The following TMEM108 variants were observed in gnomAD, a reference collection of about 807,000 sequenced individuals.
TMEM108 encodes transmembrane protein 108.
In TMEM108, 12 loss-of-function variants were observed where a neutral mutation model predicts 35.1. The ratio of observed to expected loss-of-function variants is 0.34; its 90% CI spans 0.22 to 0.55. The LOEUF is 0.55. TMEM108 is among the 20% of genes least tolerant of loss of function. TMEM108 has a pLI of 0.89. For synonymous variants in TMEM108, 287 were observed against 308.6 expected (o/e 0.93, Z 0.73); for missense variants, 680 against 753.3 (o/e 0.90, Z 1.14).
intron 3 of TMEM108, among the ~76,000 whole-genome samples, chr3:133,306,521 C>A (rs2071040191): frequency 6.6e-6 from 1 of 152,136 alleles, no homozygotes; most frequent in South Asian, 2.1e-4. Context: ...CCCCCAGCCC[C>A]CCACTCAATG....
intron 3 of TMEM108, among the ~76,000 whole-genome samples, chr3:133,339,080 A>T (rs1171519828): frequency 1.3e-5 from 2 of 151,958 alleles, no homozygotes; most frequent in Non-Finnish European, 2.9e-5. Context: ...GGGGGCAAAT[A>T]ACAAAATGAC....
At chr3:133,150,755 A>G (rs1944787949) in intron 2 of TMEM108, among the ~76,000 whole-genome samples, 1 of 152,154 alleles carries the variant, frequency 6.6e-6, no homozygotes, top group Non-Finnish European at 1.5e-5. Flanking sequence ...CAGAGACATG[A>G]TGAGAGAAGT....
chr3:133,305,438 G>A (rs569228663), intron 3 of TMEM108, among the ~76,000 whole-genome samples: 185 of 151,598 alleles, frequency 1.2e-3, no homozygotes, highest in African/African-American at 4.3e-3. Context: ...TGGGTGCAGC[G>A]CACCAGCATG....
At chr3:133,341,358 T>A (rs1245094602) in intron 3 of TMEM108, among the ~76,000 whole-genome samples, 3 of 151,576 alleles carry the variant, frequency 2.0e-5, no homozygotes, top group Middle Eastern at 3.4e-3. Flanking sequence ...ATCTCTACAA[T>A]GAAAACTATA....
intron 3 of TMEM108, among the ~76,000 whole-genome samples, chr3:133,361,579 T>C (rs2072351217): frequency 6.6e-6 from 1 of 152,214 alleles, no homozygotes; most frequent in African/African-American, 2.4e-5. Flanking sequence ...CGGCTTCCGT[T>C]GGCATCAGCT....
At chr3:133,282,428 C>G (rs140896351) in intron 3 of TMEM108, among the ~76,000 whole-genome samples, 2 of 152,344 alleles carry the variant, frequency 1.3e-5, no homozygotes, top group Non-Finnish European at 2.9e-5. Context: ...GGATCACAGT[C>G]TCATTTACAT....
intron 4 of TMEM108, 98 bp downstream of exon 4, chr3:133,381,259 G>A: frequency 7.6e-7 from 1 of 1,322,000 alleles, no homozygotes; most frequent in Non-Finnish European, 1.0e-6. Context: ...TTGCCAAGTG[G>A]GCTACAAAAA....
intron 5 of TMEM108, among the ~76,000 whole-genome samples, chr3:133,395,001 ACTTT>A (rs1485837624): frequency 6.6e-6 from 1 of 152,200 alleles, no homozygotes; most frequent in East Asian, 1.9e-4. Context: ...AGAAGCTATG[ACTTT>A]CTTTTTTTCT....
chr3:133,228,646 A>G (rs1946109129), intron 2 of TMEM108, among the ~76,000 whole-genome samples: 1 of 152,190 alleles, frequency 6.6e-6, no homozygotes, highest in Non-Finnish European at 1.5e-5. Context: ...AAACAGACCA[A>G]TAGAAGTGCA....
chr3:133,094,618 A>G (rs186054819), intron 2 of TMEM108, among the ~76,000 whole-genome samples: 38 of 152,296 alleles, frequency 2.5e-4, no homozygotes, highest in Admixed American at 2.2e-3. Context: ...TATGGCACCC[A>G]GTAGACTTCT....
At chr3:133,124,650 C>T (rs1434444282) in intron 2 of TMEM108, among the ~76,000 whole-genome samples, 1 of 152,116 alleles carries the variant, frequency 6.6e-6, no homozygotes, top group Non-Finnish European at 1.5e-5. Context: ...AAAAAGCCAA[C>T]CCCTTTTAGA....
At chr3:133,208,622 T>C (rs1224087083) in intron 2 of TMEM108, among the ~76,000 whole-genome samples, 1 of 152,160 alleles carries the variant, frequency 6.6e-6, no homozygotes. Flanking sequence ...AGTCTTGTCC[T>C]CTCCTGAATA....
intron 2 of TMEM108, among the ~76,000 whole-genome samples, chr3:133,175,574 G>A (rs1408599940): frequency 2.0e-5 from 3 of 152,108 alleles, no homozygotes; most frequent in African/African-American, 7.2e-5. Flanking sequence ...GCCAAACTAA[G>A]CTTCATAAGT....
chr3:133,068,066 TGA>T (rs1208310526), intron 2 of TMEM108, among the ~76,000 whole-genome samples: 3 of 151,592 alleles, frequency 2.0e-5, no homozygotes, highest in Non-Finnish European at 4.4e-5. Flanking sequence ...AACCAATCCC[TGA>T]GATGTAACAT....
intron 2 of TMEM108, among the ~76,000 whole-genome samples, chr3:133,165,060 A>G (rs1042353028): frequency 6.6e-6 from 1 of 152,248 alleles, no homozygotes; most frequent in Non-Finnish European, 1.5e-5. Flanking sequence ...ATTATATGAA[A>G]TGCCATTTGA....
chr3:133,078,184 TG>T (rs1943767414), intron 2 of TMEM108, among the ~76,000 whole-genome samples: 1 of 119,656 alleles, frequency 8.4e-6, no homozygotes, highest in Non-Finnish European at 1.9e-5. Context: ...CACACGTGTG[TG>T]TGTATATCTC....
At chr3:133,110,943 AG>A (rs1224786565) in intron 2 of TMEM108, among the ~76,000 whole-genome samples, 2 of 152,208 alleles carry the variant, frequency 1.3e-5, no homozygotes, top group East Asian at 3.8e-4. Context: ...CATTGTCCTA[AG>A]GGGCTTCTCA....
chr3:133,218,546 C>G (rs188730840), intron 2 of TMEM108, among the ~76,000 whole-genome samples: 15 of 151,788 alleles, frequency 9.9e-5, no homozygotes, highest in Non-Finnish European at 2.2e-4. Context: ...TCATATATGG[C>G]CTTTGTTGCA....
intron 2 of TMEM108, among the ~76,000 whole-genome samples, chr3:133,172,354 G>A (rs1461953324): frequency 6.6e-6 from 1 of 152,186 alleles, no homozygotes; most frequent in Non-Finnish European, 1.5e-5. Flanking sequence ...TAGAAATGAT[G>A]TTGGAAAACT....
Sources: allele counts gnomAD v4.1 joint callset (sites outside exome capture counted in the v4.1 genomes callset), GRCh38; gene constraint gnomAD v4.1.1; transcripts MANE v1.5; gene names NCBI Gene and HGNC (gene_info 2026-07-23, HGNC 2026-07-21).